The following CLEC17A variants were observed in gnomAD, a reference collection of about 807,000 sequenced individuals.
CLEC17A encodes the protein C-type lectin domain family 17, member A.
Under a neutral mutation model 61.3 loss-of-function variants are expected in CLEC17A, and 37 were observed. The ratio of observed to expected loss-of-function variants is 0.60; its 90% CI spans 0.46 to 0.79. CLEC17A has a LOEUF of 0.79. Ranked by LOEUF, CLEC17A falls within the 30% of genes least tolerant of loss-of-function variation. The pLI, the probability that CLEC17A is intolerant of heterozygous loss-of-function variation, is 0.00. For missense variants in CLEC17A, 418 were observed against 464.7 expected (o/e 0.90, Z 0.92); for synonymous variants, 168 against 164.9 (o/e 1.02, Z -0.14).
rs905381953 is a variant in CLEC17A at position 14,599,525 on chromosome 19, G to T, written c.647-192G>T. 8 of 658,540 alleles carry T rather than the reference G, an allele frequency of 1.2e-5. No individual in the cohort carries two copies. The Admixed American group carries it at 1.7e-4, about 14-fold the overall frequency. 40.8% of individuals were successfully genotyped at this position (658,540 alleles called of 1,614,324 possible). A position where few individuals can be genotyped will look rare whatever the true frequency, so the allele number is the denominator to read the frequency against. ...TACTTTTCCCCACATCCCCGGGATTGATCCCTCCTCTGAGCCATTCTCGGA... is the reference window on the plus strand; with the variant it reads ...TACTTTTCCCCACATCCCCGGGATTTATCCCTCCTCTGAGCCATTCTCGGA... On this transcript the variant is annotated intron_variant, in intron 10 of 13. Coordinates refer to ENST00000417570, the MANE Select transcript of CLEC17A (RefSeq NM_001204118.2).
intron 12 of CLEC17A, among the ~76,000 whole-genome samples, chr19:14,605,678 T>C (rs1192831330): frequency 2.6e-5 from 4 of 152,282 alleles, no homozygotes; most frequent in Admixed American, 2.0e-4. Context: ...TGCTTCTAAC[T>C]ATATTTTCTT....
chr19:14,607,499 G>A (rs1231128465), intron 13 of CLEC17A, among the ~76,000 whole-genome samples: 11 of 151,018 alleles, frequency 7.3e-5, no homozygotes, highest in East Asian at 2.0e-4. Context: ...CACCGCGCCC[G>A]GCCAGGAGCT....
intron 12 of CLEC17A, among the ~76,000 whole-genome samples, chr19:14,605,945 G>A (rs532722551): frequency 7.5e-4 from 114 of 152,144 alleles, no homozygotes; most frequent in African/African-American, 2.7e-3. Context: ...TCAGTATGTT[G>A]CCCAGACTAA....
intron 13 of CLEC17A, among the ~76,000 whole-genome samples, chr19:14,609,247 TG>T (rs2074987428): frequency 6.6e-6 from 1 of 152,184 alleles, no homozygotes; most frequent in African/African-American, 2.4e-5. Context: ...GGACCCCTTG[TG>T]ACAAGTTGGG....
intron 7 of CLEC17A, among the ~76,000 whole-genome samples, 154 bp from the exon 8 acceptor site, chr19:14,595,120 C>T (rs2074512319): frequency 6.6e-6 from 1 of 152,228 alleles, no homozygotes. Context: ...GATCCACCCG[C>T]CTCAGCCTCC....
chr19:14,586,287 G>C (rs1410987315), intron 2 of CLEC17A, among the ~76,000 whole-genome samples: 2 of 152,018 alleles, frequency 1.3e-5, no homozygotes, highest in Non-Finnish European at 2.9e-5. Flanking sequence ...ACTGTGCCCG[G>C]CTAATTTTGT....
intron 8 of CLEC17A, 112 bp from the exon 9 acceptor site, chr19:14,596,764 C>T (rs531969075): frequency 3.0e-5 from 38 of 1,253,310 alleles, no homozygotes; most frequent in South Asian, 2.2e-4. Flanking sequence ...TCTGCTGAAA[C>T]AGTCATGACT....
At position 14,610,962 on chromosome 19, in the gene CLEC17A, G is replaced by A. The variant is rs949145688; in HGVS notation, c.*766G>A. 2 of 151,180 alleles carry A rather than the reference G, an allele frequency of 1.3e-5. No homozygotes were observed. Among genetic ancestry groups the A allele is most frequent in the Non-Finnish European group, 2.9e-5 (2 of 67,878 alleles). 9.4% of individuals were successfully genotyped at this position (151,180 alleles called of 1,614,324 possible). A position where few individuals can be genotyped will look rare whatever the true frequency, so the allele number is the denominator to read the frequency against. Reference sequence around the variant, plus strand: ...CAGGCATGTGTCACCGTACCTGGCCGATATTTTTATTTTTATTTTTACTTT... The same window carrying A: ...CAGGCATGTGTCACCGTACCTGGCCAATATTTTTATTTTTATTTTTACTTT... On this transcript the variant is annotated 3_prime_UTR_variant, in exon 14 of 14. Transcript: ENST00000417570.
intron 8 of CLEC17A, 108 bp from the exon 9 acceptor site, chr19:14,596,768 C>T (rs2074561173): frequency 3.8e-6 from 5 of 1,312,378 alleles, no homozygotes; most frequent in Non-Finnish European, 5.2e-6. Context: ...CTGAAACAGT[C>T]ATGACTACAG....
At position 14,611,209 on chromosome 19, in the gene CLEC17A, C is replaced by T. The variant is rs2075032154; in HGVS notation, c.*1013C>T. ...CTATATTCACCCCATGTCGTCCTCT[C>T]CAGACACTGCTTCCTTCCTGGTCTC... On this transcript the variant is annotated 3_prime_UTR_variant, in exon 14 of 14. Transcript: ENST00000417570. 1 of 151,950 alleles carries T rather than the reference C, an allele frequency of 6.6e-6. No individual in the cohort carries two copies. The highest frequency in any genetic ancestry group is 2.4e-5 in the African/African-American group (1 of 41,368). 9.4% of individuals were successfully genotyped at this position (151,950 alleles called of 1,614,324 possible).
At position 14,610,881 on chromosome 19, in the gene CLEC17A, C is replaced by T. The variant is rs2075025896; in HGVS notation, c.*685C>T. 6.6e-6 allele frequency: 1 copy of T among 152,098 alleles called. No individual in the cohort carries two copies. The highest frequency in any genetic ancestry group is 1.5e-5 in the Non-Finnish European group (1 of 68,050). 9.4% of individuals were successfully genotyped at this position (152,098 alleles called of 1,614,324 possible). ...CTCACTCTGTTGCCGAGGCTGGTCTCAAACTCCTGGGGTCAAGCAATCCTT... is the reference window on the plus strand; with the variant it reads ...CTCACTCTGTTGCCGAGGCTGGTCTTAAACTCCTGGGGTCAAGCAATCCTT... On this transcript the variant is annotated 3_prime_UTR_variant, in exon 14 of 14. Coordinates refer to ENST00000417570, the MANE Select transcript of CLEC17A (RefSeq NM_001204118.2).
chr19:14,594,587 G>C, intron 5 of CLEC17A, 38 bp downstream of exon 5: 1 of 1,613,406 alleles, frequency 6.2e-7, no homozygotes, highest in Non-Finnish European at 8.5e-7. Flanking sequence ...CCCAGAGCTG[G>C]CTTTGCCCTG....
rs71166765 is a variant in CLEC17A, at chr19:14,608,628, ATTTT to A, written c.1005-1416_1005-1413del. ...AGGGAGGGTGGAAGGATGAGGAAGA[ATTTT>A]TTTTTTTTTTTTTTTTTTTGAGACA... On this transcript the variant is annotated intron_variant, in intron 13 of 13. Transcript: ENST00000417570. Among the ~76,000 whole-genome samples the A allele has an allele frequency of 1.5e-3, 181 of 119,720 alleles. 2 individuals carry two copies. Among genetic ancestry groups the A allele is most frequent in the African/African-American group, 5.2e-3 (162 of 30,904 alleles). 78.5% of individuals were successfully genotyped at this position (119,720 alleles called of 152,430 possible).
chr19:14,607,289 C>G (rs2074906734), intron 13 of CLEC17A, among the ~76,000 whole-genome samples, 187 bp downstream of exon 13: 1 of 151,750 alleles, frequency 6.6e-6, no homozygotes, highest in African/African-American at 2.4e-5. Context: ...ACTGCAAGCT[C>G]CGCCTCCCAG....
rs2074318026 is a variant in CLEC17A at position 14,587,681 on chromosome 19, T to G, written c.189T>G (p.Pro63=). The G allele has an allele frequency of 6.2e-7, 1 of 1,607,114 alleles. No individual in the cohort carries two copies. Among genetic ancestry groups the G allele is most frequent in the African/African-American group, 1.3e-5 (1 of 74,758 alleles). ...ENSTPPYKDL[P]PKPGTMEEEE... ...CAACACCTCCCTACAAGGACCTTCC[T>G]CCCAAGCCAGGTAAGAGGACTTTTT... is the stretch of plus-strand genomic sequence containing the variant. The change falls in exon 3 of 14, where the codon CCT becomes CCG. Residue 63 remains proline, a synonymous_variant. Coordinates refer to ENST00000417570, the MANE Select transcript of CLEC17A (RefSeq NM_001204118.2).
chr19:14,591,171 T>G (rs1332074637), intron 3 of CLEC17A, among the ~76,000 whole-genome samples: 1 of 151,646 alleles, frequency 6.6e-6, no homozygotes. Context: ...TTTTTTTTTT[T>G]TGAGACAGAG....
chr19:14,596,837 C>T, intron 8 of CLEC17A, 39 bp from the exon 9 acceptor site: 1 of 1,600,212 alleles, frequency 6.2e-7, no homozygotes, highest in Non-Finnish European at 8.5e-7. Flanking sequence ...TCTCTGAAGC[C>T]CCAGTATCAG....
chr19:14,598,099 A>T (rs1481337806), intron 10 of CLEC17A, among the ~76,000 whole-genome samples: 1 of 152,194 alleles, frequency 6.6e-6, no homozygotes, highest in Admixed American at 6.5e-5. Context: ...GCAAGCTCAA[A>T]ACCCATCAAT....
rs753596313 is a variant in CLEC17A, at chr19:14,592,321, C to T, written c.240C>T (p.Asn80=). The change falls in exon 4 of 14, where the codon AAC becomes AAT. Residue 80 remains asparagine (N), a synonymous_variant. Coordinates refer to ENST00000417570, the MANE Select transcript of CLEC17A (RefSeq NM_001204118.2). ...EEEEEDDDYE[N]STPPYKDLPP... ...AGGAGGAGGATGATGACTATGAGAA[C>T]TCAACACCTCCCTACAAGGACCTTC... 9.4e-6 allele frequency: 15 copies of T among 1,603,904 alleles called. No individual in the cohort carries two copies. In the Admixed American group the frequency reaches 1.6e-4, roughly 17 times the overall value.
Sources: gnomAD v4.1 joint callset for allele counts (sites outside exome capture counted in the v4.1 genomes callset) on GRCh38, gnomAD v4.1.1 for gene constraint, MANE v1.5 for transcripts, NCBI Gene and HGNC (gene_info 2026-07-23, HGNC 2026-07-21) for gene names.